FAM135B: variants seen among roughly 807,000 people sequenced by gnomAD.
FAM135B encodes the protein family with sequence similarity 135 member B.
Under a neutral mutation model 127.7 loss-of-function variants are expected in FAM135B, and 43 were observed. The observed-to-expected ratio is 0.34, with a 90% confidence interval of 0.26 to 0.43. The LOEUF (loss-of-function observed/expected upper bound fraction) is 0.43. Ranked by LOEUF, FAM135B falls within the 20% of genes least tolerant of loss-of-function variation. The pLI, the probability that FAM135B is intolerant of heterozygous loss-of-function variation, is 1.00. For synonymous variants in FAM135B, 670 were observed against 665.1 expected, an observed-to-expected ratio of 1.01 and a Z score of -0.11; for missense variants, 1,558 against 1,725.6, an observed-to-expected ratio of 0.90 and a Z score of 1.72.
At chr8:138,347,894 T>C (rs1829519939) in intron 2 of FAM135B, among the ~76,000 whole-genome samples, 2 of 152,138 alleles carry the variant, frequency 1.3e-5, no homozygotes, top group African/African-American at 4.8e-5. Flanking sequence ...GGTAGAATTA[T>C]AGTCCTGATT....
chr8:138,218,650 C>T (rs532936626), intron 7 of FAM135B, among the ~76,000 whole-genome samples: 1 of 152,112 alleles, frequency 6.6e-6, no homozygotes, highest in Non-Finnish European at 1.5e-5. Context: ...AGATATCCCT[C>T]CTCCTTTCTT....
In FAM135B at chr8:138,218,753, GCA is replaced by G. The variant is rs139117207; in HGVS notation, c.670-21086_670-21085del. Among the ~76,000 whole-genome samples the G allele has an allele frequency of 5.7e-3, 291 of 51,360 alleles. 2 individuals carry two copies. The highest frequency in any genetic ancestry group is 0.014 in the African/African-American group (248 of 18,264). The allele number at this position is 51,360 out of a possible 152,430, so 33.7% of individuals were successfully genotyped here. Reference sequence around the variant, plus strand: ...TGCCCTGCTCCTCCCAAACTTACACGCACACACACACACAGAGAGAGAGAGAG... The same window carrying G: ...TGCCCTGCTCCTCCCAAACTTACACGCACACACACACAGAGAGAGAGAGAG... On this transcript the variant is annotated intron_variant, in intron 7 of 19. Transcript: ENST00000395297.
chr8:138,173,016 T>C (rs2130935662), intron 11 of FAM135B, among the ~76,000 whole-genome samples: 1 of 152,240 alleles, frequency 6.6e-6, no homozygotes, highest in African/African-American at 2.4e-5. Context: ...CATGGTCACC[T>C]CCTCATCTTT....
chr8:138,430,528 T>C (rs558496837), intron 1 of FAM135B, among the ~76,000 whole-genome samples: 1 of 152,206 alleles, frequency 6.6e-6, no homozygotes, highest in Admixed American at 6.5e-5. Flanking sequence ...AACCTCTCTC[T>C]CCTGCTGGGC....
At chr8:138,147,538 C>A (rs1817752906) in intron 14 of FAM135B, among the ~76,000 whole-genome samples, 1 of 152,082 alleles carries the variant, frequency 6.6e-6, no homozygotes, top group Non-Finnish European at 1.5e-5. Context: ...TCTGTTAATA[C>A]AAATAAGCCC....
At chr8:138,317,745 T>C (rs544326130) in intron 2 of FAM135B, among the ~76,000 whole-genome samples, 64 of 152,338 alleles carry the variant, frequency 4.2e-4, no homozygotes, top group Middle Eastern at 6.8e-3. Flanking sequence ...AAGAAAACCT[T>C]AGGTTCCACC....
intron 2 of FAM135B, among the ~76,000 whole-genome samples, chr8:138,360,799 C>T (rs1288470418): frequency 6.6e-6 from 1 of 152,156 alleles, no homozygotes; most frequent in Non-Finnish European, 1.5e-5. Flanking sequence ...TTCACAGGAA[C>T]TCTTTCAGCA....
chr8:138,240,191 T>C (rs1820634330), intron 7 of FAM135B, among the ~76,000 whole-genome samples: 1 of 152,040 alleles, frequency 6.6e-6, no homozygotes, highest in South Asian at 2.1e-4. Flanking sequence ...GTGAATGAGT[T>C]CCCCCAAGCC....
intron 19 of FAM135B, among the ~76,000 whole-genome samples, chr8:138,133,613 T>G (rs1816380485): frequency 6.6e-6 from 1 of 152,242 alleles, no homozygotes; most frequent in South Asian, 2.1e-4. Flanking sequence ...GGTGAGCTTC[T>G]GGGTACCCAC....
intron 1 of FAM135B, among the ~76,000 whole-genome samples, chr8:138,410,467 G>C (rs1833799590): frequency 6.6e-6 from 1 of 152,204 alleles, no homozygotes. Context: ...ACTGAGGGAA[G>C]CTTCCAGACA....
chr8:138,364,157 C>T (rs901023281), intron 2 of FAM135B, among the ~76,000 whole-genome samples: 1 of 152,154 alleles, frequency 6.6e-6, no homozygotes, highest in Admixed American at 6.5e-5. Flanking sequence ...GGAACACTTG[C>T]TGGATAAAGT....
At chr8:138,180,080 T>C (rs1814864063) in intron 9 of FAM135B, among the ~76,000 whole-genome samples, 1 of 152,290 alleles carries the variant, frequency 6.6e-6, no homozygotes, top group South Asian at 2.1e-4. Flanking sequence ...TGGACAGAAA[T>C]GCTTTAGATA....
intron 1 of FAM135B, among the ~76,000 whole-genome samples, chr8:138,416,430 A>G (rs1008255858): frequency 3.9e-5 from 6 of 152,130 alleles, no homozygotes; most frequent in Non-Finnish European, 5.9e-5. Context: ...CATCCAGTCT[A>G]ATACAGCTGG....
At chr8:138,254,321 T>C (rs1821916333) in intron 5 of FAM135B, among the ~76,000 whole-genome samples, 1 of 152,228 alleles carries the variant, frequency 6.6e-6, no homozygotes, top group South Asian at 2.1e-4. Flanking sequence ...GAAGGTCTCA[T>C]GTACTGTATA....
Position 138,143,598 on chromosome 8 carries a change from G to A in FAM135B, c.3541-489C>T, listed in dbSNP as rs143405118. On this transcript the variant is annotated intron_variant, in intron 15 of 19. Coordinates refer to ENST00000395297, the MANE Select transcript of FAM135B (RefSeq NM_015912.4). ...AAGTCACCCACGTCTTAGGATGGAT[G>A]GTTGAAGGATCCAGGAGATCAAAGG... is the stretch of plus-strand genomic sequence containing the variant. Among the ~76,000 whole-genome samples, 7 of 152,286 alleles carry A rather than the reference G, an allele frequency of 4.6e-5. No individual in the cohort carries two copies. The East Asian group carries it at 1.3e-3, about 29-fold the overall frequency.
intron 1 of FAM135B, among the ~76,000 whole-genome samples, chr8:138,464,398 T>TC (rs994546898): frequency 6.6e-5 from 10 of 150,848 alleles, no homozygotes; most frequent in South Asian, 2.1e-4. Context: ...CTCAAAAACC[T>TC]CCCCCCCAAC....
chr8:138,357,938 C>G (rs1455473836), intron 2 of FAM135B, among the ~76,000 whole-genome samples: 3 of 152,078 alleles, frequency 2.0e-5, no homozygotes, highest in African/African-American at 7.2e-5. Context: ...TATATTAACC[C>G]ATTTTCATAC....
intron 1 of FAM135B, among the ~76,000 whole-genome samples, chr8:138,397,435 C>G (rs1298563855): frequency 1.3e-5 from 2 of 152,188 alleles, no homozygotes; most frequent in Non-Finnish European, 2.9e-5. Flanking sequence ...GATGGTTATA[C>G]AACATCGTGA....
chr8:138,450,126 T>G (rs1393578013), intron 1 of FAM135B, among the ~76,000 whole-genome samples: 1 of 152,212 alleles, frequency 6.6e-6, no homozygotes, highest in African/African-American at 2.4e-5. Context: ...GCTAGTATCT[T>G]TCACTTAGCA....
Sources: allele counts gnomAD v4.1 joint callset (sites outside exome capture counted in the v4.1 genomes callset), GRCh38; gene constraint gnomAD v4.1.1; transcripts MANE v1.5; gene names NCBI Gene and HGNC (gene_info 2026-07-23, HGNC 2026-07-21).